Variants in C4orf51 observed in about 807,000 individuals in gnomAD.
C4orf51 encodes the protein uncharacterized protein C4orf51.
C4orf51 carries 25 observed loss-of-function variants against 25.2 expected under a neutral mutation model. The ratio of observed to expected loss-of-function variants is 0.99; its 90% confidence interval spans 0.72 to 1.39. The LOEUF is 1.39. Among genes scored for constraint, C4orf51 ranks in the 40% most tolerant of loss-of-function variants. The probability of loss-of-function intolerance (pLI) is 0.00; values close to 1 mark genes in which losing one functional copy is unlikely to be tolerated. For synonymous variants in C4orf51, 100 were observed against 84.5 expected (o/e 1.18, Z -1.01); for missense variants, 252 against 239.6 (o/e 1.05, Z -0.34).
intron 1 of C4orf51, among the ~76,000 whole-genome samples, chr4:145,695,581 C>G (rs755088251): frequency 6.6e-6 from 1 of 152,132 alleles, no homozygotes; most frequent in Non-Finnish European, 1.5e-5. Flanking sequence ...TGTTTCTTTG[C>G]TGTGCAGAAG....
intron 2 of C4orf51, among the ~76,000 whole-genome samples, chr4:145,697,589 CAT>C (rs1730155119): frequency 6.6e-6 from 1 of 152,214 alleles, no homozygotes. Context: ...TTAGATTACA[CAT>C]ATGAGTGAAA....
At chr4:145,750,422 T>G (rs1301122480) in intron 1 of C4orf51, among the ~76,000 whole-genome samples, 3 of 151,048 alleles carry the variant, frequency 2.0e-5, no homozygotes, top group Non-Finnish European at 3.0e-5. Context: ...GTTTTTTTTT[T>G]TTTTTTTTTT....
chr4:145,761,601 GC>G lies in C4orf51; in HGVS notation n.167-9385del, dbSNP rs1560881703. ...TGGAATAAATGCAGAATGGGCACCTGCCGGGGAAAGCAACGCAAGGGAGGTT... is the reference window on the plus strand; with the variant it reads ...TGGAATAAATGCAGAATGGGCACCTGCGGGGAAAGCAACGCAAGGGAGGTT... On this transcript the variant is annotated intron_variant and non_coding_transcript_variant, in intron 1 of 1. Coordinates refer to the C4orf51 transcript ENST00000510096. This position sits in a 1 kb window ranked among gnomAD's most constrained non-coding sequence, Gnocchi z 6.8. 8.0e-6 allele frequency: 10 copies of G among 1,249,590 alleles called. No homozygotes were observed. The South Asian group carries it at 1.3e-4, about 17-fold the overall frequency. 77.4% of individuals were successfully genotyped at this position (1,249,590 alleles called of 1,614,324 possible).
At chr4:145,728,681 G>C (rs1732251393) in intron 3 of C4orf51, among the ~76,000 whole-genome samples, 1 of 152,186 alleles carries the variant, frequency 6.6e-6, no homozygotes, top group Non-Finnish European at 1.5e-5. Context: ...ACTAATGCTA[G>C]AATGGAGCTT....
Position 145,680,155 on chromosome 4 carries a change from T to A in C4orf51, c.-49T>A. ...CTACTAGAAGGAAATTAATTCTTCA[T>A]TATGCAGAGGACTTGACAAGTTGTT... On this transcript the variant is annotated 5_prime_UTR_variant, in exon 1 of 6. Coordinates refer to ENST00000438731, the MANE Select transcript of C4orf51 (RefSeq NM_001080531.3). The A allele has an allele frequency of 7.4e-7, 1 of 1,356,184 alleles. No homozygotes were observed. Among genetic ancestry groups the A allele is most frequent in the Non-Finnish European group, 1.1e-6 (1 of 947,066 alleles). The allele number at this position is 1,356,184 out of a possible 1,614,324, so 84.0% of individuals were successfully genotyped here. A position where few individuals can be genotyped will look rare whatever the true frequency, so the allele number is the denominator to read the frequency against.
At chr4:145,722,495 A>G (rs1731793897) in intron 2 of C4orf51, among the ~76,000 whole-genome samples, 1 of 152,236 alleles carries the variant, frequency 6.6e-6, no homozygotes, top group East Asian at 1.9e-4. Flanking sequence ...AATAATTTGT[A>G]TCTAATATAT....
chr4:145,731,276 A>G (rs529587482), intron 5 of C4orf51, among the ~76,000 whole-genome samples: 2 of 152,322 alleles, frequency 1.3e-5, no homozygotes, highest in African/African-American at 4.8e-5. Flanking sequence ...CAGTGTCTGC[A>G]GCTGTTCTGG....
the C4orf51 span, among the ~76,000 whole-genome samples, chr4:145,776,667 G>A: frequency 6.6e-6 from 1 of 152,216 alleles, no homozygotes; most frequent in East Asian, 1.9e-4. Flanking sequence ...GAGCAGGGGA[G>A]GGGGAATAAA....
intron 2 of C4orf51, among the ~76,000 whole-genome samples, chr4:145,709,260 G>A (rs867909219): frequency 2.1e-4 from 32 of 152,362 alleles, no homozygotes; most frequent in African/African-American, 7.0e-4. Flanking sequence ...GGGCCACAGA[G>A]TGAGGCCCTA....
downstream of C4orf51, chr4:145,758,116 T>C (rs777144956): frequency 6.6e-6 from 1 of 152,070 alleles, no homozygotes; most frequent in Non-Finnish European, 1.5e-5. Flanking sequence ...TTAATAACAA[T>C]AATAATATAA....
At chr4:145,781,589 T>C in the C4orf51 span, among the ~76,000 whole-genome samples, 1 of 152,158 alleles carries the variant, frequency 6.6e-6, no homozygotes, top group Admixed American at 6.5e-5. Flanking sequence ...AAAGTAGAAA[T>C]GTGTGACTAA....
chr4:145,715,451 G>C (rs112768568), intron 2 of C4orf51, among the ~76,000 whole-genome samples: 121 of 152,304 alleles, frequency 7.9e-4, no homozygotes, highest in African/African-American at 2.7e-3. Context: ...CCCGTGGGAA[G>C]AATCGTGGGC....
chr4:145,695,925 A>G (rs927602171), intron 1 of C4orf51, among the ~76,000 whole-genome samples: 1 of 152,216 alleles, frequency 6.6e-6, no homozygotes, highest in Non-Finnish European at 1.5e-5. Context: ...AAAACTAAAT[A>G]CTGCATGTTC....
At position 145,750,518 on chromosome 4, in the gene C4orf51, G is replaced by C. The variant is rs532565537; in HGVS notation, n.168-3689G>C. ...AAAGTCTGCTGCCAAACATATTGGA[G>C]CTCCATTGTATGTTACTTGTTTCTT... On this transcript the variant is annotated intron_variant and non_coding_transcript_variant, in intron 1 of 1. Coordinates refer to the C4orf51 transcript ENST00000508981. 6.7e-5 allele frequency among the ~76,000 whole-genome samples: 10 copies of C among 150,178 alleles called. No individual in the cohort carries two copies. In the East Asian group the frequency reaches 2.0e-3, roughly 29 times the overall value.
intron 1 of C4orf51, among the ~76,000 whole-genome samples, chr4:145,752,071 G>A (rs910190526): frequency 6.6e-6 from 1 of 152,150 alleles, no homozygotes; most frequent in Admixed American, 6.5e-5. Context: ...GCCCAGGGCA[G>A]GTCCAGAAAT....
chr4:145,708,300 C>T (rs1316855449), intron 2 of C4orf51, among the ~76,000 whole-genome samples: 1 of 152,166 alleles, frequency 6.6e-6, no homozygotes, highest in Non-Finnish European at 1.5e-5. Flanking sequence ...TTGTAATTTC[C>T]TCCCCTTTCA....
chr4:145,688,961 C>T (rs1414294256), intron 1 of C4orf51, among the ~76,000 whole-genome samples: 3 of 152,026 alleles, frequency 2.0e-5, no homozygotes, highest in Admixed American at 2.0e-4. Context: ...TATAAAGCTT[C>T]AGTAATTAAG....
At chr4:145,714,467 A>G (rs1310206453) in intron 2 of C4orf51, among the ~76,000 whole-genome samples, 1 of 152,132 alleles carries the variant, frequency 6.6e-6, no homozygotes, top group East Asian at 1.9e-4. Context: ...TTCTTCCTAC[A>G]TATCTGCCAC....
chr4:145,734,238 G>C (rs142912706), downstream of C4orf51, among the ~76,000 whole-genome samples: 1,287 of 152,302 alleles, frequency 8.5e-3, 6 homozygotes, highest in Non-Finnish European at 0.014. Context: ...GTGGGTTAGG[G>C]CTTGTGTCCA....
Sources: gnomAD v4.1 joint callset for allele counts (sites outside exome capture counted in the v4.1 genomes callset) on GRCh38, gnomAD v4.1.1 for gene constraint, Gnocchi (gnomAD v3.1) non-coding constraint, MANE v1.5 for transcripts, NCBI Gene and HGNC (gene_info 2026-07-23, HGNC 2026-07-21) for gene names.